CLIP2: variants seen among roughly 807,000 people sequenced by gnomAD.
CLIP2 encodes CAP-Gly domain-containing linker protein 2.
Under a neutral mutation model 111.7 loss-of-function variants are expected in CLIP2, and 41 were observed. That is an observed-to-expected ratio of 0.37 (90% CI 0.29 to 0.48). The LOEUF (loss-of-function observed/expected upper bound fraction) is 0.48, where lower values mean the gene tolerates loss of function less well. CLIP2 is among the 20% of genes least tolerant of loss of function. The pLI, the probability that CLIP2 is intolerant of heterozygous loss-of-function variation, is 0.99. For missense variants in CLIP2, 1,160 were observed against 1,422.1 expected (o/e 0.82, Z 2.96); for synonymous variants, 660 against 644.2 (o/e 1.02, Z -0.37).
intron 13 of CLIP2, among the ~76,000 whole-genome samples, chr7:74,394,244 T>TG (rs782756622): frequency 7.6e-6 from 1 of 131,466 alleles, no homozygotes; most frequent in African/African-American, 2.9e-5. Context: ...TTTTTCTTCT[T>TG]ATTTTTTTTT....
At chr7:74,364,872 A>C (rs1176460229) in intron 8 of CLIP2, 11 of 455,356 alleles carry the variant, frequency 2.4e-5, no homozygotes, top group Admixed American at 2.4e-4. Context: ...AAATTTAAAA[A>C]GTTAGCCAAG....
intron 1 of CLIP2, among the ~76,000 whole-genome samples, chr7:74,294,316 A>T (rs1261093539): frequency 6.6e-6 from 1 of 152,222 alleles, no homozygotes; most frequent in Non-Finnish European, 1.5e-5. Context: ...TCATGTTTGC[A>T]GAGGAAATGC....
At chr7:74,295,396 A>G (rs1554725928) in intron 1 of CLIP2, among the ~76,000 whole-genome samples, 1 of 152,106 alleles carries the variant, frequency 6.6e-6, no homozygotes, top group African/African-American at 2.4e-5. Context: ...TGAAAAACTC[A>G]CCATTCTCCC....
chr7:74,351,129 AAGAAAGAGAGAGAGAGAGAG>A (rs1789982853), intron 3 of CLIP2, among the ~76,000 whole-genome samples: 2 of 141,906 alleles, frequency 1.4e-5, no homozygotes, highest in Non-Finnish European at 3.1e-5. Flanking sequence ...GAGAGAGAGA[AAGAAAGAGAGAGAGAGAGAG>A]AGAAAGAAAG....
chr7:74,375,058 CA>C lies in CLIP2; in HGVS notation c.1486-819del, dbSNP rs200111343. 5.0e-4 allele frequency among the ~76,000 whole-genome samples: 75 copies of C among 149,202 alleles called. 1 individual carries two copies. Among genetic ancestry groups the C allele is most frequent in the Admixed American group, 1.9e-3 (29 of 14,930 alleles). On this transcript the variant is annotated intron_variant, in intron 9 of 16. Coordinates refer to ENST00000223398, the MANE Select transcript of CLIP2 (RefSeq NM_003388.5). ...CTCTGTTCTTTAAAAAGAATGTTAACAAAAAAAAAATTTCTTAATAAAAATA... is the reference window on the plus strand; with the variant it reads ...CTCTGTTCTTTAAAAAGAATGTTAACAAAAAAAAATTTCTTAATAAAAATA...
rs1562726113 is a variant in CLIP2 at position 74,389,266 on chromosome 7, CG to C, written c.2720+9del. 1 of 1,578,226 alleles carries C rather than the reference CG, an allele frequency of 6.3e-7. No homozygotes were observed. The highest frequency in any genetic ancestry group is 1.9e-5 in the Admixed American group (1 of 52,714). On this transcript the variant is annotated splice_region_variant and intron_variant, in intron 13 of 16. Transcript: ENST00000223398. ...AGCTGCTGCGGAAGGAGCGGTGAGG[CG>C]GCCGTGGGGCCGGCTGGGTCCTCCC...
intron 2 of CLIP2, among the ~76,000 whole-genome samples, chr7:74,318,766 A>T (rs1554729564): frequency 1.3e-5 from 2 of 152,196 alleles, no homozygotes; most frequent in African/African-American, 4.8e-5. Context: ...TGATGCTGTG[A>T]TGAACATCTT....
At chr7:74,324,603 C>T (rs1270164165) in intron 2 of CLIP2, among the ~76,000 whole-genome samples, 1 of 152,022 alleles carries the variant, frequency 6.6e-6, no homozygotes, top group Non-Finnish European at 1.5e-5. Context: ...TGTGCCTGAC[C>T]TTGGAGATGG....
At position 74,338,322 on chromosome 7, in the gene CLIP2, T is replaced by G; in HGVS notation, c.122-126T>G. The G allele has an allele frequency of 1.9e-6, 2 of 1,061,172 alleles. No homozygotes were observed. The highest frequency in any genetic ancestry group is 2.7e-6 in the Non-Finnish European group (2 of 754,442). 65.7% of individuals were successfully genotyped at this position (1,061,172 alleles called of 1,614,324 possible). On this transcript the variant is annotated intron_variant, in intron 2 of 16. Transcript: ENST00000223398. The surrounding 1 kb of genome is among the most constrained non-coding windows in gnomAD (Gnocchi z 4.3). The stretch of plus-strand genomic sequence containing the variant: ...TTCGAGACCAGCCTGGCCGAGATGG[T>G]GAAACCCCATCTCTACCCAAAAATA...
At position 74,349,259 on chromosome 7, in the gene CLIP2, C is replaced by G. The variant is rs529623280; in HGVS notation, c.679-4621C>G. On this transcript the variant is annotated intron_variant, in intron 3 of 16. Coordinates refer to ENST00000223398, the MANE Select transcript of CLIP2 (RefSeq NM_003388.5). ...CATCTTGGCCAACATGGAAAAACCC[C>G]GTCTCTACTAAAAATACAAAAATTA... Among the ~76,000 whole-genome samples the G allele has an allele frequency of 7.3e-4, 111 of 151,128 alleles. 2 individuals are homozygous for G. Among genetic ancestry groups the G allele is most frequent in the Non-Finnish European group, 1.8e-4 (12 of 67,814 alleles).
chr7:74,376,829 G>GC lies in CLIP2; in HGVS notation c.2421+9dup. 6.4e-7 allele frequency: 1 copy of GC among 1,564,762 alleles called. No homozygotes were observed. Among genetic ancestry groups the GC allele is most frequent in the Non-Finnish European group, 8.6e-7 (1 of 1,156,382 alleles). Reference sequence around the variant, plus strand: ...CTCCTCCCAGCACACCCACGTAGGCGCCTGCCCCTCCTGCTGGGGCGGGAG... The same window carrying GC: ...CTCCTCCCAGCACACCCACGTAGGCGCCCTGCCCCTCCTGCTGGGGCGGGAG... On this transcript the variant is annotated splice_region_variant and intron_variant, in intron 10 of 16. Coordinates refer to ENST00000223398, the MANE Select transcript of CLIP2 (RefSeq NM_003388.5). This position sits in a 1 kb window ranked among gnomAD's most constrained non-coding sequence, Gnocchi z 7.1.
At position 74,375,878 on chromosome 7, in the gene CLIP2, TC is replaced by T; in HGVS notation, c.1486-5del. The stretch of plus-strand genomic sequence containing the variant: ...GCCCGCTGATCCCTGTCTCCCTCTC[TC>T]CCCACAGCTGACCACAGTGGCCGAG... On this transcript the variant is annotated splice_region_variant and splice_polypyrimidine_tract_variant and intron_variant, in intron 9 of 16. Coordinates refer to ENST00000223398, the MANE Select transcript of CLIP2 (RefSeq NM_003388.5). 6.7e-7 allele frequency: 1 copy of T among 1,500,600 alleles called. No homozygotes were observed. 93.0% of individuals were successfully genotyped at this position (1,500,600 alleles called of 1,614,324 possible). A position where few individuals can be genotyped will look rare whatever the true frequency, so the allele number is the denominator to read the frequency against.
At chr7:74,359,563 G>A (rs1790263098) in intron 6 of CLIP2, among the ~76,000 whole-genome samples, 1 of 151,842 alleles carries the variant, frequency 6.6e-6, no homozygotes, top group South Asian at 2.1e-4. Context: ...CACCATGTTA[G>A]CCAGGATGGT....
At chr7:74,397,730 G>T (rs142462978) in intron 14 of CLIP2, among the ~76,000 whole-genome samples, 2 of 144,192 alleles carry the variant, frequency 1.4e-5, no homozygotes, top group African/African-American at 5.2e-5. Flanking sequence ...GCAGTGGCGC[G>T]ATCTCAGCTC....
intron 2 of CLIP2, among the ~76,000 whole-genome samples, chr7:74,323,406 C>CT (rs1165637429): frequency 3.3e-4 from 49 of 147,902 alleles, no homozygotes; most frequent in South Asian, 2.4e-3. Context: ...GCCTAGATAT[C>CT]TTTTTTTTTC....
At chr7:74,322,370 C>G (rs372037538) in intron 2 of CLIP2, among the ~76,000 whole-genome samples, 1 of 151,416 alleles carries the variant, frequency 6.6e-6, no homozygotes, top group Non-Finnish European at 1.5e-5. Context: ...CTTTGGGAGG[C>G]CAAGGCAGGC....
intron 4 of CLIP2, 121 bp from the exon 5 acceptor site, chr7:74,356,289 A>G (rs534213830): frequency 3.7e-6 from 3 of 807,332 alleles, no homozygotes; most frequent in Non-Finnish European, 6.4e-6. Context: ...GTCTTTCCAC[A>G]TGGGCCCCAA....
At chr7:74,320,956 G>C (rs1290305157) in intron 2 of CLIP2, among the ~76,000 whole-genome samples, 1 of 26,702 alleles carries the variant, frequency 3.7e-5, no homozygotes, top group Admixed American at 4.8e-4. Context: ...GGCGTGCAGC[G>C]AGAGAGTCTT....
chr7:74,393,333 T>C (rs1316122146), intron 13 of CLIP2, among the ~76,000 whole-genome samples: 3 of 151,036 alleles, frequency 2.0e-5, no homozygotes, highest in African/African-American at 7.3e-5. Context: ...GGGCCCAGCA[T>C]TTGCATTTCT....
Sources: gnomAD v4.1 joint callset for allele counts (sites outside exome capture counted in the v4.1 genomes callset) on GRCh38, gnomAD v4.1.1 for gene constraint, Gnocchi (gnomAD v3.1) non-coding constraint, MANE v1.5 for transcripts, NCBI Gene and HGNC (gene_info 2026-07-23, HGNC 2026-07-21) for gene names.